The following MAP4K5 variants were observed in gnomAD, a reference collection of about 807,000 sequenced individuals.
The protein encoded by MAP4K5 is MAPK/ERK kinase kinase kinase 5.
Under a neutral mutation model 135.6 loss-of-function variants are expected in MAP4K5, and 82 were observed. The ratio of observed to expected loss-of-function variants is 0.60; its 90% CI spans 0.51 to 0.73. The LOEUF (loss-of-function observed/expected upper bound fraction) is 0.73, where lower values mean the gene tolerates loss of function less well. Among genes scored for constraint, MAP4K5 ranks in the 30% least tolerant of loss-of-function variants. The pLI is 0.00. For synonymous variants in MAP4K5, 347 were observed against 335.0 expected, an observed-to-expected ratio of 1.04 and a Z score of -0.39; for missense variants, 907 against 1,010.9, an observed-to-expected ratio of 0.90 and a Z score of 1.39.
chr14:50,443,956 C>G lies in MAP4K5; in HGVS notation c.1420G>C (p.Asp474His). The G allele has an allele frequency of 6.2e-7, 1 of 1,607,816 alleles. No individual in the cohort carries two copies. The highest frequency in any genetic ancestry group is 8.5e-7 in the Non-Finnish European group (1 of 1,176,638). ...ATACCTACAGGGAAGTCTCGTTTGT[C>G]CTTTTTTCGTGGTAACTGTGGTGCT... ...AQAPQLPRKK[D>H]KRDFPKPAIN... Residue 474 changes from aspartate (D) to histidine (H), a missense_variant, in exon 19 of 33, where the codon GAC becomes CAC. Asp to His is a moderately conservative substitution (Grantham distance 81). This residue lies in a region of MAP4K5 where 690 missense variants were observed against 777.4 expected (regional missense o/e 0.89). Coordinates refer to ENST00000682126, the MANE Select transcript of MAP4K5 (RefSeq NM_006575.6).
chr14:50,437,523 A>G lies in MAP4K5; in HGVS notation c.1835T>C (p.Leu612Ser). 2.5e-6 allele frequency: 4 copies of G among 1,600,348 alleles called. No individual in the cohort carries two copies. The highest frequency in any genetic ancestry group is 3.4e-6 in the Non-Finnish European group (4 of 1,173,724). ...TTTTGTATCAGGAATCTTTGTTGTTAAAGCGAATTTTCTGAAAACGTAAGA... is the reference window on the plus strand; with the variant it reads ...TTTTGTATCAGGAATCTTTGTTGTTGAAGCGAATTTTCTGAAAACGTAAGA... ...PDRILPRKFA[L>S]TTKIPDTKGC... Residue 612 changes from leucine to serine, a missense_variant, in exon 26 of 33, where the codon TTA becomes TCA. Transcript: ENST00000682126.
chr14:50,461,313 G>A (rs1213016990), intron 13 of MAP4K5, among the ~76,000 whole-genome samples: 2 of 152,036 alleles, frequency 1.3e-5, no homozygotes, highest in Non-Finnish European at 2.9e-5. Context: ...ACAGGTGTGA[G>A]CCACCGTGTC....
intron 3 of MAP4K5, among the ~76,000 whole-genome samples, chr14:50,487,192 C>T (rs2037380264): frequency 6.6e-6 from 1 of 152,168 alleles, no homozygotes; most frequent in African/African-American, 2.4e-5. Flanking sequence ...CCTGTGGTCC[C>T]AGCTACTCGG....
chr14:50,439,119 GC>G (rs1269289474), intron 23 of MAP4K5, among the ~76,000 whole-genome samples: 1 of 151,640 alleles, frequency 6.6e-6, no homozygotes, highest in Non-Finnish European at 1.5e-5. Context: ...GAGGACTCCA[GC>G]TTTTTAGAAG....
At chr14:50,447,609 C>A in intron 15 of MAP4K5, 128 bp from the exon 16 acceptor site, 1 of 610,894 alleles carries the variant, frequency 1.6e-6, no homozygotes, top group South Asian at 2.3e-5. Context: ...TTTTTAATCT[C>A]TAGCTAGATT....
intron 26 of MAP4K5, among the ~76,000 whole-genome samples, chr14:50,436,986 A>G (rs553249838): frequency 2.6e-5 from 4 of 152,244 alleles, no homozygotes; most frequent in Admixed American, 6.5e-5. Flanking sequence ...TTGTAATCGT[A>G]ACTATGAGTA....
chr14:50,462,344 C>T (rs904588582), intron 13 of MAP4K5, among the ~76,000 whole-genome samples: 2 of 152,198 alleles, frequency 1.3e-5, no homozygotes, highest in African/African-American at 4.8e-5. Flanking sequence ...TGCATTTCTG[C>T]AGAGGGACCC....
intron 9 of MAP4K5, chr14:50,472,518 A>C (rs2036989065): frequency 2.0e-5 from 3 of 152,198 alleles, no homozygotes; most frequent in African/African-American, 7.2e-5. Context: ...GAATATGGGA[A>C]GGCATGTAAT....
At chr14:50,453,197 T>C (rs528559567) in intron 14 of MAP4K5, among the ~76,000 whole-genome samples, 1 of 151,822 alleles carries the variant, frequency 6.6e-6, no homozygotes, top group African/African-American at 2.4e-5. Context: ...TACCTTCCCT[T>C]GGTGCCAATT....
chr14:50,526,821 G>C (rs769071070), intron 2 of MAP4K5, among the ~76,000 whole-genome samples: 4 of 152,194 alleles, frequency 2.6e-5, no homozygotes, highest in Non-Finnish European at 4.4e-5. Flanking sequence ...CTCTTGGCTG[G>C]AGGAAAAGAA....
At chr14:50,448,394 A>G (rs2036406012) in intron 15 of MAP4K5, among the ~76,000 whole-genome samples, 1 of 152,116 alleles carries the variant, frequency 6.6e-6, no homozygotes, top group Non-Finnish European at 1.5e-5. Context: ...AAGAAACTAT[A>G]TTAACAAATA....
At chr14:50,545,258 T>A (rs970672983) in intron 1 of MAP4K5, among the ~76,000 whole-genome samples, 1 of 152,220 alleles carries the variant, frequency 6.6e-6, no homozygotes, top group Non-Finnish European at 1.5e-5. Flanking sequence ...ATGTAAGTCC[T>A]AATAAACTCA....
At position 50,440,006 on chromosome 14, in the gene MAP4K5, T is replaced by C. The variant is rs771876249; in HGVS notation, c.1705+7A>G. The C allele has an allele frequency of 2.6e-6, 4 of 1,534,752 alleles. No individual in the cohort carries two copies. Among genetic ancestry groups the C allele is most frequent in the Non-Finnish European group, 3.6e-6 (4 of 1,125,850 alleles). On this transcript the variant is annotated splice_region_variant and intron_variant, in intron 23 of 32. Coordinates refer to ENST00000682126, the MANE Select transcript of MAP4K5 (RefSeq NM_006575.6). ...CTATGGTTTATTTTTCATCATCACA[T>C]ACATACCTGATAATGACATTAAAGT...
intron 23 of MAP4K5, among the ~76,000 whole-genome samples, chr14:50,439,073 G>T (rs10142538): frequency 0.1 from 15,676 of 151,674 alleles, 1,207 homozygotes; most frequent in South Asian, 0.31. Context: ...AAAAGATTTT[G>T]GGGAAGCATA....
chr14:50,443,675 C>A, intron 20 of MAP4K5, 54 bp downstream of exon 20: 1 of 1,437,770 alleles, frequency 7.0e-7, no homozygotes. Context: ...CAATATATTG[C>A]TGCTTCTAAA....
At chr14:50,464,233 ATTT>A in intron 11 of MAP4K5, 100 bp from the exon 12 acceptor site, 4 of 624,728 alleles carry the variant, frequency 6.4e-6, no homozygotes, top group Non-Finnish European at 1.1e-5. Context: ...AAACACCATG[ATTT>A]TTTATTGGGC....
intron 3 of MAP4K5, among the ~76,000 whole-genome samples, chr14:50,487,882 T>C (rs569674216): frequency 6.6e-6 from 1 of 152,286 alleles, no homozygotes; most frequent in African/African-American, 2.4e-5. Flanking sequence ...AAACTTCTCC[T>C]TTACGCATGC....
Position 50,456,746 on chromosome 14 carries a change from C to T in MAP4K5, c.937-152G>A, listed in dbSNP as rs111713660. 1.8e-4 allele frequency: 105 copies of T among 574,868 alleles called. 2 individuals are homozygous for T. Among genetic ancestry groups the T allele is most frequent in the Admixed American group, 1.5e-3 (44 of 30,054 alleles). The allele number at this position is 574,868 out of a possible 1,614,324, so 35.6% of individuals were successfully genotyped here. The stretch of plus-strand genomic sequence containing the variant: ...AAATACAATGAACGCTACAATACTT[C>T]GGAAGTTTTTTCACTTGTTCCATGT... On this transcript the variant is annotated intron_variant, in intron 13 of 32. Transcript: ENST00000682126.
At chr14:50,441,821 C>A (rs935536176) in intron 21 of MAP4K5, among the ~76,000 whole-genome samples, 1 of 150,806 alleles carries the variant, frequency 6.6e-6, no homozygotes, top group South Asian at 2.1e-4. Flanking sequence ...CTCTGTCATA[C>A]TTTTTAATAG....
Sources: allele counts gnomAD v4.1 joint callset (sites outside exome capture counted in the v4.1 genomes callset), GRCh38; gene constraint gnomAD v4.1.1; regional missense constraint gnomAD v4.1.1; transcripts MANE v1.5; gene names NCBI Gene and HGNC (gene_info 2026-07-23, HGNC 2026-07-21).